The following UST variants were observed in gnomAD, a reference collection of about 807,000 sequenced individuals.
UST encodes uronyl 2-sulfotransferase.
A neutral mutation model predicts 45.6 loss-of-function variants in UST; 21 were observed. The observed-to-expected ratio is 0.46, with a 90% CI of 0.33 to 0.66. The LOEUF (loss-of-function observed/expected upper bound fraction) is 0.66, where lower values mean the gene tolerates loss of function less well. Among genes scored for constraint, UST ranks in the 30% least tolerant of loss-of-function variants. The probability of loss-of-function intolerance (pLI) is 0.02; values close to 1 mark genes in which losing one functional copy is unlikely to be tolerated. For missense variants in UST, 463 were observed against 512.4 expected (o/e 0.90, Z 0.93); for synonymous variants, 215 against 200.6 (o/e 1.07, Z -0.61).
chr6:149,029,731 A>T (rs889938366), intron 7 of UST, among the ~76,000 whole-genome samples: 2 of 152,052 alleles, frequency 1.3e-5, no homozygotes, highest in Non-Finnish European at 2.9e-5. Flanking sequence ...AGTTGTTTTT[A>T]AAAACTCAGT....
intron 2 of UST, among the ~76,000 whole-genome samples, chr6:148,926,692 G>C (rs1236965346): frequency 2.6e-5 from 4 of 152,200 alleles, no homozygotes; most frequent in African/African-American, 9.6e-5. Flanking sequence ...AATTGCCCAA[G>C]AGGCCAACTC....
chr6:148,923,547 G>A (rs954556300), intron 2 of UST, among the ~76,000 whole-genome samples: 3 of 152,224 alleles, frequency 2.0e-5, no homozygotes, highest in African/African-American at 7.2e-5. Flanking sequence ...AGCATGTTCT[G>A]TGTTTCAGGG....
chr6:148,747,773 G>T, intron 1 of UST, 96 bp downstream of exon 1: 1 of 1,414,664 alleles, frequency 7.1e-7, no homozygotes, highest in Non-Finnish European at 9.2e-7. Flanking sequence ...CTGCCACCGC[G>T]CGCCGCCGCC....
intron 5 of UST, among the ~76,000 whole-genome samples, chr6:148,997,873 T>C (rs111346598): frequency 2.0e-4 from 31 of 152,344 alleles, no homozygotes; most frequent in African/African-American, 7.5e-4. Flanking sequence ...TTGAACTTAT[T>C]ACGAGTCCTT....
At chr6:148,920,105 G>A (rs1021800918) in intron 2 of UST, among the ~76,000 whole-genome samples, 4 of 151,498 alleles carry the variant, frequency 2.6e-5, no homozygotes, top group Admixed American at 1.3e-4. Context: ...TCAGCTTTGC[G>A]TTCACTGGAT....
rs1014232159 is a variant in UST at position 148,934,840 on chromosome 6, G to A, written c.292-6439G>A. On this transcript the variant is annotated intron_variant, in intron 2 of 7. Coordinates refer to ENST00000367463, the MANE Select transcript of UST (RefSeq NM_005715.3). The surrounding 1 kb of genome is among the most constrained non-coding windows in gnomAD (Gnocchi z 4.1). The stretch of plus-strand genomic sequence containing the variant: ...GTCTTAGAGTGTGGCCCAGAAATCT[G>A]CATTTTTAAAAGTTCTGTGAGGAAT... Among the ~76,000 whole-genome samples, 1 of 152,108 alleles carries A rather than the reference G, an allele frequency of 6.6e-6. No homozygotes were observed. Among genetic ancestry groups the A allele is most frequent in the East Asian group, 1.9e-4 (1 of 5,190 alleles).
At chr6:148,809,512 CT>C (rs1777215095) in intron 1 of UST, among the ~76,000 whole-genome samples, 1 of 152,130 alleles carries the variant, frequency 6.6e-6, no homozygotes, top group Non-Finnish European at 1.5e-5. Context: ...GGATTATCTG[CT>C]TTTCTTATTG....
At chr6:148,892,493 C>T (rs1035311773) in intron 2 of UST, among the ~76,000 whole-genome samples, 2 of 152,186 alleles carry the variant, frequency 1.3e-5, no homozygotes, top group African/African-American at 4.8e-5. Context: ...ATTTATTTCA[C>T]TAATGAATCA....
intron 2 of UST, among the ~76,000 whole-genome samples, chr6:148,906,140 A>G (rs1001327832): frequency 3.3e-5 from 5 of 152,200 alleles, no homozygotes; most frequent in Non-Finnish European, 7.3e-5. Flanking sequence ...GCGGTGCTGT[A>G]GGACGTGAAG....
At chr6:148,777,414 T>C (rs1356244150) in intron 1 of UST, among the ~76,000 whole-genome samples, 2 of 152,200 alleles carry the variant, frequency 1.3e-5, no homozygotes, top group Non-Finnish European at 2.9e-5. Flanking sequence ...TAAAGCACAG[T>C]GTGAATATTT....
intron 5 of UST, among the ~76,000 whole-genome samples, chr6:149,010,203 A>G (rs7770997): frequency 0.38 from 57,694 of 152,064 alleles, 11,504 homozygotes; most frequent in Non-Finnish European, 0.45. Context: ...ACTATGATAA[A>G]TATTTTGTTA....
intron 2 of UST, among the ~76,000 whole-genome samples, chr6:148,910,921 G>C (rs6901186): frequency 6.6e-6 from 1 of 151,842 alleles, no homozygotes; most frequent in African/African-American, 2.4e-5. Context: ...TTCTCCTTCC[G>C]GCTGATCCAA....
intron 4 of UST, 66 bp downstream of exon 4, chr6:148,954,017 AC>A: frequency 2.3e-6 from 3 of 1,329,926 alleles, no homozygotes; most frequent in Non-Finnish European, 3.1e-6. Flanking sequence ...TTAGAAATCT[AC>A]CTTTATTTAC....
At chr6:148,889,818 T>C (rs373139489) in intron 2 of UST, among the ~76,000 whole-genome samples, 10 of 152,150 alleles carry the variant, frequency 6.6e-5, no homozygotes, top group African/African-American at 2.2e-4. Context: ...CTAGATTCGG[T>C]GTTGGCTGGC....
intron 1 of UST, among the ~76,000 whole-genome samples, chr6:148,769,038 T>C (rs1251684993): frequency 6.6e-6 from 1 of 152,276 alleles, no homozygotes; most frequent in Non-Finnish European, 1.5e-5. Flanking sequence ...GGATTGCCCA[T>C]GTGCAGGATT....
intron 1 of UST, among the ~76,000 whole-genome samples, chr6:148,784,278 G>A (rs372087520): frequency 6.6e-6 from 1 of 152,120 alleles, no homozygotes; most frequent in Non-Finnish European, 1.5e-5. Flanking sequence ...TTTTCTCTCT[G>A]CTAAAAAGAG....
At chr6:148,926,597 G>A (rs941257899) in intron 2 of UST, among the ~76,000 whole-genome samples, 3 of 152,238 alleles carry the variant, frequency 2.0e-5, no homozygotes, top group Admixed American at 6.5e-5. Flanking sequence ...TAGGCGTGGT[G>A]TCTGTGTTCC....
At chr6:148,870,239 G>C (rs1025155102) in intron 1 of UST, among the ~76,000 whole-genome samples, 2 of 152,026 alleles carry the variant, frequency 1.3e-5, no homozygotes, top group Admixed American at 1.3e-4. Context: ...ACACTACCCA[G>C]CCATGTGACC....
chr6:149,038,725 G>T (rs2500506), intron 7 of UST, among the ~76,000 whole-genome samples: 1 of 152,182 alleles, frequency 6.6e-6, no homozygotes, highest in East Asian at 1.9e-4. Flanking sequence ...CAAAGCAGCT[G>T]TGAGGAGCAA....
Sources: gnomAD v4.1 joint callset for allele counts (sites outside exome capture counted in the v4.1 genomes callset) on GRCh38, gnomAD v4.1.1 for gene constraint, Gnocchi (gnomAD v3.1) non-coding constraint, MANE v1.5 for transcripts, NCBI Gene and HGNC (gene_info 2026-07-23, HGNC 2026-07-21) for gene names.